The following MYH3 variants were observed in gnomAD, a reference collection of about 807,000 sequenced individuals.
MYH3 encodes myosin-3.
Under a neutral mutation model 238.0 loss-of-function variants are expected in MYH3, and 130 were observed. That is an observed-to-expected ratio of 0.55 (90% CI 0.47 to 0.63). The LOEUF is 0.63. MYH3 is among the 30% of genes least tolerant of loss of function. The pLI is 0.00. For missense variants in MYH3, 1,853 were observed against 2,374.9 expected (o/e 0.78, Z 4.57); for synonymous variants, 880 against 924.1 (o/e 0.95, Z 0.86).
rs1452847254 is a variant in MYH3, at chr17:10,654,712, A to G, written c.204+149T>C. 12 of 783,184 alleles carry G rather than the reference A, an allele frequency of 1.5e-5. No individual in the cohort carries two copies. In the South Asian group the frequency reaches 1.5e-4, roughly 10 times the overall value. 48.5% of individuals were successfully genotyped at this position (783,184 alleles called of 1,614,324 possible). On this transcript the variant is annotated intron_variant, in intron 3 of 40. Transcript: ENST00000583535. The surrounding 1 kb of genome is among the most constrained non-coding windows in gnomAD (Gnocchi z 4.5). Reference sequence around the variant, plus strand: ...AGTATTCACTCTGCTTTCTCTGAGGATACCTGGGAAGCCCCAGGCTACATT... The same window carrying G: ...AGTATTCACTCTGCTTTCTCTGAGGGTACCTGGGAAGCCCCAGGCTACATT...
rs544927489 is a variant in MYH3, at chr17:10,633,804, T to C, written c.4523-89A>G. ...CATTGACTCAATGCTTTTTACCTGG[T>C]TTATTATAATCCTAAGGTTTCCTGC... On this transcript the variant is annotated intron_variant, in intron 32 of 40. Coordinates refer to ENST00000583535, the MANE Select transcript of MYH3 (RefSeq NM_002470.4). 4 of 1,568,460 alleles carry C rather than the reference T, an allele frequency of 2.6e-6. No homozygotes were observed. The African/African-American group carries it at 5.4e-5, about 21-fold the overall frequency.
intron 40 of MYH3, among the ~76,000 whole-genome samples, chr17:10,629,328 C>T (rs1219031327): frequency 6.6e-6 from 1 of 152,092 alleles, no homozygotes; most frequent in Non-Finnish European, 1.5e-5. Context: ...TGGCTTCCAG[C>T]TTCATCCATG....
At chr17:10,666,625 G>C in the MYH3 span, among the ~76,000 whole-genome samples, 1 of 151,588 alleles carries the variant, frequency 6.6e-6, no homozygotes, top group East Asian at 1.9e-4. Context: ...GCATGGTGGT[G>C]CATGCCTGCA....
At chr17:10,650,590 CAA>C (rs2074365163) in intron 5 of MYH3, among the ~76,000 whole-genome samples, 189 bp from the exon 6 acceptor site, 1 of 152,044 alleles carries the variant, frequency 6.6e-6, no homozygotes, top group Non-Finnish European at 1.5e-5. Context: ...AATTGACAAA[CAA>C]TATTTGTATA....
At chr17:10,665,003 C>T in the MYH3 span, among the ~76,000 whole-genome samples, 1 of 152,036 alleles carries the variant, frequency 6.6e-6, no homozygotes, top group Non-Finnish European at 1.5e-5. Flanking sequence ...TCAAAGATCA[C>T]TGTGAGGTTA....
In MYH3 at chr17:10,638,342, GCT is replaced by G. The variant is rs763741519; in HGVS notation, c.3428_3429del (p.Glu1143AlafsTer57). On this transcript the variant is annotated frameshift_variant, in exon 27 of 41. Coordinates refer to ENST00000583535, the MANE Select transcript of MYH3 (RefSeq NM_002470.4). LOFTEE classifies it high-confidence loss of function. ...TEKQRSDYAR[E>X]LEELSERLEE... ...TCCAGCCGCTCGCTCAGCTCCTCCAGCTCCCGGGCATAGTCGCTGCGCTGTTT... is the reference window on the plus strand; with the variant it reads ...TCCAGCCGCTCGCTCAGCTCCTCCAGCCCGGGCATAGTCGCTGCGCTGTTT... The G allele has an allele frequency of 6.2e-7, 1 of 1,610,694 alleles. No homozygotes were observed. The highest frequency in any genetic ancestry group is 8.5e-7 in the Non-Finnish European group (1 of 1,179,988).
At chr17:10,646,157 A>C (rs1179922791) in intron 10 of MYH3, 125 bp from the exon 11 acceptor site, 1 of 807,978 alleles carries the variant, frequency 1.2e-6, no homozygotes, top group Non-Finnish European at 2.1e-6. Context: ...CTTAGAATTA[A>C]AAATCTTTTA....
At chr17:10,671,057 A>G in the MYH3 span, among the ~76,000 whole-genome samples, 1 of 151,584 alleles carries the variant, frequency 6.6e-6, no homozygotes, top group Non-Finnish European at 1.5e-5. Flanking sequence ...CGCCCAGCTA[A>G]TTTTTTTTGT....
intron 3 of MYH3, among the ~76,000 whole-genome samples, chr17:10,652,856 C>T (rs1003101249): frequency 4.6e-5 from 7 of 151,822 alleles, no homozygotes; most frequent in Non-Finnish European, 7.4e-5. Flanking sequence ...CTCCTGACCT[C>T]GTGATCCACC....
Position 10,639,815 on chromosome 17 carries a change from A to G in MYH3, c.2683-13T>C, listed in dbSNP as rs746322327. 8.1e-6 allele frequency: 13 copies of G among 1,613,132 alleles called. No individual in the cohort carries two copies. Among genetic ancestry groups the G allele is most frequent in the African/African-American group, 8.0e-5 (6 of 74,870 alleles). ...AATTTTCGCTTTCCTTAAAAAAAAA[A>G]GAATAATAACTTCGTTGAATGATAT... On this transcript the variant is annotated splice_polypyrimidine_tract_variant and intron_variant, in intron 22 of 40. Transcript: ENST00000583535.
chr17:10,645,948 T>G lies in MYH3; in HGVS notation c.983A>C (p.Glu328Ala). The G allele has an allele frequency of 6.2e-7, 1 of 1,613,962 alleles. No homozygotes were observed. The highest frequency in any genetic ancestry group is 8.5e-7 in the Non-Finnish European group (1 of 1,179,948). Residue 328 changes from glutamate (E) to alanine (A), a missense_variant, in exon 11 of 41, where the codon GAG becomes GCG. Transcript: ENST00000583535. Reference protein sequence around the residue: ...EILVASIDDAEELLATDSAID... With the variant: ...EILVASIDDAAELLATDSAID... ...ACTTACGTCTGTAGCCAGCAGCTCC[T>G]CTGCATCATCTATGCTGGCCACCAG... is the stretch of plus-strand genomic sequence containing the variant.
chr17:10,647,139 G>T, intron 10 of MYH3, 43 bp downstream of exon 10: 1 of 1,460,638 alleles, frequency 6.8e-7, no homozygotes, highest in Non-Finnish European at 9.6e-7. Context: ...AGTGATCAGA[G>T]TCAAACTACC....
chr17:10,636,981 G>A (rs2074221843), intron 28 of MYH3, among the ~76,000 whole-genome samples: 1 of 151,828 alleles, frequency 6.6e-6, no homozygotes. Flanking sequence ...GCCAGCCGAG[G>A]ATGGATTCAC....
Position 10,634,899 on chromosome 17 carries a change from C to G in MYH3, c.4297G>C (p.Val1433Leu). The change falls in exon 31 of 41, where the codon GTT (valine) becomes CTT (leucine). Residue 1433 changes from valine to leucine, a missense_variant. Physicochemically the swap from Val to Leu is conservative, Grantham distance 32. Around this residue, in one of 3 missense-constraint regions of MYH3, gnomAD observed 1,044 missense variants for 1,192.6 expected, o/e 0.88. Transcript: ENST00000583535. Reference sequence around the variant, plus strand: ...GCGGCCAAGGAATTGGCTCTTTCAACATCAACCATCAGATCCTCCACCTCT... The same window carrying G: ...GCGGCCAAGGAATTGGCTCTTTCAAGATCAACCATCAGATCCTCCACCTCT... Reference protein sequence around the residue: ...QGEVEDLMVDVERANSLAAAL... With the variant: ...QGEVEDLMVDLERANSLAAAL... 6.2e-7 allele frequency: 1 copy of G among 1,614,176 alleles called. No homozygotes were observed. The highest frequency in any genetic ancestry group is 1.1e-5 in the South Asian group (1 of 91,080).
the MYH3 span, chr17:10,672,498 G>A: frequency 5.3e-5 from 8 of 152,076 alleles, no homozygotes; most frequent in South Asian, 4.2e-4. Flanking sequence ...GGTTTATTGA[G>A]GTATGTATAT....
chr17:10,628,684 G>T lies in MYH3; in HGVS notation c.5797-5C>A. 1 of 1,614,164 alleles carries T rather than the reference G, an allele frequency of 6.2e-7. No individual in the cohort carries two copies. Among genetic ancestry groups the T allele is most frequent in the South Asian group, 1.1e-5 (1 of 91,080 alleles). On this transcript the variant is annotated splice_polypyrimidine_tract_variant and splice_region_variant and intron_variant, in intron 40 of 40. Coordinates refer to ENST00000583535, the MANE Select transcript of MYH3 (RefSeq NM_002470.4). ...TTCACTCTCGTGGACCACCATCTAGGAAGAAAGTAGGCACCTGGAGTCAAG... is the reference window on the plus strand; with the variant it reads ...TTCACTCTCGTGGACCACCATCTAGTAAGAAAGTAGGCACCTGGAGTCAAG...
chr17:10,671,502 AATT>A, the MYH3 span, among the ~76,000 whole-genome samples: 1 of 151,884 alleles, frequency 6.6e-6, no homozygotes, highest in Non-Finnish European at 1.5e-5. Flanking sequence ...GTTTGAATTA[AATT>A]ATTAACTATT....
Position 10,646,017 on chromosome 17 carries a change from G to T in MYH3, c.914C>A (p.Thr305Lys). 3 of 1,613,790 alleles carry T rather than the reference G, an allele frequency of 1.9e-6. No individual in the cohort carries two copies. Among genetic ancestry groups the T allele is most frequent in the South Asian group, 2.2e-5 (2 of 91,062 alleles). ...GAACGGGTAGTCGTAAGGGTTGGTCGTAATAAGCAGCAGCTCTGAAATGAC... is the reference window on the plus strand; with the variant it reads ...GAACGGGTAGTCGTAAGGGTTGGTCTTAATAAGCAGCAGCTCTGAAATGAC... ...KPELIELLLI[T>K]TNPYDYPFIS... Residue 305 changes from threonine (T) to lysine (K), a missense_variant, in exon 11 of 41, where the codon ACG (threonine) becomes AAG (lysine). By Grantham distance (78) the Thr-to-Lys change is moderately conservative. Transcript: ENST00000583535.
chr17:10,649,696 T>G lies in MYH3; in HGVS notation c.534-11A>C, dbSNP rs770046005. The G allele has an allele frequency of 1.9e-6, 3 of 1,611,734 alleles. No homozygotes were observed. Among genetic ancestry groups the G allele is most frequent in the Non-Finnish European group, 8.5e-7 (1 of 1,177,814 alleles). ...GCCCCGGATTCTCCGCTGTACAGAG[T>G]GATCAAAAGAGAGAGAAAGAAACAA... On this transcript the variant is annotated splice_polypyrimidine_tract_variant and intron_variant, in intron 6 of 40. Coordinates refer to ENST00000583535, the MANE Select transcript of MYH3 (RefSeq NM_002470.4).
Sources: gnomAD v4.1 joint callset for allele counts (sites outside exome capture counted in the v4.1 genomes callset) on GRCh38, gnomAD v4.1.1 for gene constraint, gnomAD v4.1.1 regional missense constraint, Gnocchi (gnomAD v3.1) non-coding constraint, MANE v1.5 for transcripts, NCBI Gene and HGNC (gene_info 2026-07-23, HGNC 2026-07-21) for gene names.